Variants in ANOS1 observed in about 807,000 individuals in gnomAD.
The protein encoded by ANOS1 is anosmin-1.
A neutral mutation model predicts 59.0 loss-of-function variants in ANOS1; 6 were observed. The ratio of observed to expected loss-of-function variants is 0.10; its 90% CI spans 0.06 to 0.20. The LOEUF is 0.20. ANOS1 is among the 10% of genes least tolerant of loss of function. The pLI, the probability that ANOS1 is intolerant of heterozygous loss-of-function variation, is 1.00. For missense variants in ANOS1, 433 were observed against 542.3 expected, an observed-to-expected ratio of 0.80 and a Z score of 2.00; for synonymous variants, 217 against 223.4, an observed-to-expected ratio of 0.97 and a Z score of 0.25.
At chrX:8,548,098 T>C (rs1289666195) in intron 9 of ANOS1, among the ~76,000 whole-genome samples, 6 of 112,496 alleles carry the variant, frequency 5.3e-5, no homozygotes, top group Non-Finnish European at 1.1e-4. Flanking sequence ...ATCTAAAGAC[T>C]CTTATTACTG....
chrX:8,726,157 A>C (rs1932918662), intron 1 of ANOS1, among the ~76,000 whole-genome samples: 2 of 111,340 alleles, frequency 1.8e-5, no homozygotes, highest in Admixed American at 9.6e-5. Flanking sequence ...CCTGGGGCTG[A>C]TTTGTAGCTG....
At chrX:8,574,829 C>T (rs1930293879) in intron 6 of ANOS1, among the ~76,000 whole-genome samples, 1 of 111,410 alleles carries the variant, frequency 9.0e-6, no homozygotes, top group South Asian at 3.8e-4. Context: ...TAGTAAACTC[C>T]CCTTTATATA....
intron 2 of ANOS1, among the ~76,000 whole-genome samples, chrX:8,625,067 C>A (rs1931368828): frequency 9.1e-6 from 1 of 110,308 alleles, no homozygotes; most frequent in Non-Finnish European, 1.9e-5. Flanking sequence ...CGAGATCGGG[C>A]CACTGCACTC....
intron 9 of ANOS1, 116 bp from the exon 10 acceptor site, chrX:8,539,874 C>G: frequency 1.0e-6 from 1 of 976,185 alleles, no homozygotes. Context: ...TACAGGTGAC[C>G]AATAAATGCA....
rs990224430 is a variant in ANOS1, at chrX:8,667,975, G to C, written c.255+31723C>G. 5.4e-5 allele frequency among the ~76,000 whole-genome samples: 6 copies of C among 111,287 alleles called. No individual in the cohort carries two copies. The East Asian group carries it at 1.4e-3, about 26-fold the overall frequency. ...ATTTTGTAGAAGTGCAATGAGGTCT[G>C]AGTGACTGCAAAATGCTGACGAGTG... On this transcript the variant is annotated intron_variant, in intron 2 of 13. Transcript: ENST00000262648.
At chrX:8,663,103 G>A (rs1328480388) in intron 2 of ANOS1, among the ~76,000 whole-genome samples, 2 of 111,635 alleles carry the variant, frequency 1.8e-5, no homozygotes, top group Non-Finnish European at 3.8e-5. Context: ...GAGAAGCCTG[G>A]AACTCATCCC....
intron 1 of ANOS1, among the ~76,000 whole-genome samples, chrX:8,720,148 CA>C (rs1932865166): frequency 8.9e-6 from 1 of 111,775 alleles, no homozygotes; most frequent in Admixed American, 9.5e-5. Context: ...AAAACCCAAA[CA>C]AAAGGCAATG....
At chrX:8,594,643 CATATATATATATGTGTATATATAT>C (rs1227961482) in intron 4 of ANOS1, among the ~76,000 whole-genome samples, 7 of 45,678 alleles carry the variant, frequency 1.5e-4, no homozygotes, top group Non-Finnish European at 2.7e-4. Flanking sequence ...AAAAAATCTA[CATATATATATATGTGTATATATAT>C]ATATATATAT....
intron 4 of ANOS1, among the ~76,000 whole-genome samples, chrX:8,596,302 T>G (rs1036180689): frequency 9.0e-6 from 1 of 110,696 alleles, no homozygotes; most frequent in African/African-American, 3.3e-5. Flanking sequence ...AACTCTTCAA[T>G]GAGACCCCCA....
At chrX:8,545,048 A>G in intron 9 of ANOS1, among the ~76,000 whole-genome samples, 1 of 97,904 alleles carries the variant, frequency 1.0e-5, no homozygotes, top group Non-Finnish European at 2.1e-5. Flanking sequence ...CCTGGGCAAC[A>G]AGAGAGAAAC....
intron 1 of ANOS1, among the ~76,000 whole-genome samples, chrX:8,725,611 T>TATATATATATACAG (rs1289135263): frequency 0.017 from 522 of 31,080 alleles, no homozygotes; most frequent in East Asian, 0.029. Context: ...TATATACAGA[T>TATATATATATACAG]ATATATATAT....
At chrX:8,568,861 GA>G (rs1569050972) in intron 7 of ANOS1, among the ~76,000 whole-genome samples, 1 of 111,244 alleles carries the variant, frequency 9.0e-6, no homozygotes, top group Non-Finnish European at 1.9e-5. Context: ...AAACTTCATA[GA>G]AAGGCCAAAT....
At position 8,731,954 on chromosome X, in the gene ANOS1, C is replaced by T. The variant is rs761292038; in HGVS notation, c.83G>A (p.Gly28Asp). 8.1e-6 allele frequency: 9 copies of T among 1,112,850 alleles called. No homozygotes were observed. In the African/African-American group the frequency reaches 1.5e-4, roughly 19 times the overall value. 91.7% of individuals were successfully genotyped at this position (1,112,850 alleles called of 1,213,427 possible). The change falls in exon 1 of 14, where the codon GGC becomes GAC. Residue 28 changes from glycine (G) to aspartate (D), a missense_variant. Physicochemically the swap from Gly to Asp is moderately conservative, Grantham distance 94 (BLOSUM62 -1). Transcript: ENST00000262648. ...GTCCAGCCGCCGCGCAGCAGCCGCG[C>T]CGGGGCCGGCCGCCAGGCAGCCGCT... ...ASSGCLAAGP[G>D]AAAARRLDES...
At chrX:8,642,386 T>C (rs896577227) in intron 2 of ANOS1, among the ~76,000 whole-genome samples, 2 of 96,409 alleles carry the variant, frequency 2.1e-5, no homozygotes, top group African/African-American at 1.0e-4. Flanking sequence ...GGGAAGCGAC[T>C]GCCAATGGCT....
At chrX:8,707,635 T>C (rs1047852113) in intron 1 of ANOS1, among the ~76,000 whole-genome samples, 3 of 111,947 alleles carry the variant, frequency 2.7e-5, no homozygotes, top group African/African-American at 9.7e-5. Flanking sequence ...GCTATTTACA[T>C]AGCACTTACA....
intron 2 of ANOS1, among the ~76,000 whole-genome samples, chrX:8,667,400 A>AC (rs1490828723): frequency 9.1e-6 from 1 of 110,491 alleles, no homozygotes; most frequent in Non-Finnish European, 1.9e-5. Flanking sequence ...GGCTTAAGCA[A>AC]CCCTCCTGCT....
At chrX:8,674,368 G>A (rs138145328) in intron 2 of ANOS1, among the ~76,000 whole-genome samples, 1,899 of 111,842 alleles carry the variant, frequency 0.017, 37 homozygotes, top group African/African-American at 0.059. Context: ...TTATGTTAGC[G>A]ATTCTGTGAT....
chrX:8,547,478 T>G (rs1279327228), intron 9 of ANOS1, among the ~76,000 whole-genome samples: 1 of 112,126 alleles, frequency 8.9e-6, no homozygotes, highest in Non-Finnish European at 1.9e-5. Context: ...AAAATCTCTC[T>G]GCTCTCAACT....
At chrX:8,609,262 T>C (rs931449008) in intron 3 of ANOS1, among the ~76,000 whole-genome samples, 10 of 111,708 alleles carry the variant, frequency 9.0e-5, no homozygotes, top group Admixed American at 6.7e-4. Flanking sequence ...TTGTTAACAA[T>C]AGGAGCTATC....
Sources: gnomAD v4.1 joint callset for allele counts (sites outside exome capture counted in the v4.1 genomes callset) on GRCh38, gnomAD v4.1.1 for gene constraint, MANE v1.5 for transcripts, NCBI Gene and HGNC (gene_info 2026-07-23, HGNC 2026-07-21) for gene names.